Variants in RASSF3 observed in about 807,000 individuals in gnomAD.
RASSF3 encodes ras association domain-containing protein 3.
A neutral mutation model predicts 19.9 loss-of-function variants in RASSF3; 19 were observed. The observed-to-expected ratio is 0.96, with a 90% confidence interval of 0.67 to 1.40. The LOEUF (loss-of-function observed/expected upper bound fraction) is 1.40. Ranked by LOEUF, RASSF3 falls within the 40% of genes most tolerant of loss-of-function variation. The pLI is 0.00. For synonymous variants in RASSF3, 110 were observed against 104.2 expected (o/e 1.06, Z -0.34); for missense variants, 306 against 289.8 (o/e 1.06, Z -0.41).
intron 1 of RASSF3, among the ~76,000 whole-genome samples, chr12:64,677,961 A>G (rs1872968087): frequency 1.3e-5 from 2 of 152,170 alleles, no homozygotes; most frequent in South Asian, 4.1e-4. Context: ...ACTTCATACC[A>G]TGCTTCATTG....
chr12:64,578,105 C>A (rs1015507926), intron 2 of RASSF3, among the ~76,000 whole-genome samples: 5 of 151,796 alleles, frequency 3.3e-5, no homozygotes, highest in African/African-American at 1.2e-4. Flanking sequence ...TGTAATCTGT[C>A]CCAGCTACTC....
chr12:64,663,406 T>G (rs17100537), intron 1 of RASSF3, among the ~76,000 whole-genome samples: 1,711 of 152,182 alleles, frequency 0.011, 33 homozygotes, highest in African/African-American at 0.04. Flanking sequence ...AAAAAGAATA[T>G]AATGATTTCC....
intron 2 of RASSF3, among the ~76,000 whole-genome samples, chr12:64,556,259 C>G (rs1267003370): frequency 6.6e-6 from 1 of 152,092 alleles, no homozygotes; most frequent in Non-Finnish European, 1.5e-5. Context: ...CTCTGGTGCT[C>G]AGGTCCCACC....
At chr12:64,578,799 T>C (rs1869638936) in intron 2 of RASSF3, among the ~76,000 whole-genome samples, 3 of 152,200 alleles carry the variant, frequency 2.0e-5, no homozygotes, top group African/African-American at 7.2e-5. Flanking sequence ...TCAGCCACAC[T>C]GGGAAGCAAC....
At chr12:64,691,337 A>G in intron 3 of RASSF3, 133 bp from the exon 4 acceptor site, 1 of 653,226 alleles carries the variant, frequency 1.5e-6, no homozygotes, top group Non-Finnish European at 2.8e-6. Flanking sequence ...AAATAATAAG[A>G]TGAGCCGACT....
rs1490232538 is a variant in RASSF3, at chr12:64,694,885, C to T, written c.690C>T (p.Ala230=). 4.3e-6 allele frequency: 7 copies of T among 1,614,054 alleles called. No homozygotes were observed. The highest frequency in any genetic ancestry group is 5.1e-6 in the Non-Finnish European group (6 of 1,180,026). Residue 230 remains alanine, a synonymous_variant, in exon 5 of 5, where the codon GCC becomes GCT. Coordinates refer to ENST00000542104, the MANE Select transcript of RASSF3 (RefSeq NM_178169.4). ...CCTACAGGCAGAAGCTGGAAGAAGC[C>T]CTCCGTGAGGTGTGGAAGCCTGATT... ...YTAYRQKLEE[A]LREVWKPD is the part of the protein sequence containing the mutation.
chr12:64,630,954 A>G (rs1871150081), intron 1 of RASSF3, among the ~76,000 whole-genome samples: 1 of 152,206 alleles, frequency 6.6e-6, no homozygotes, highest in Admixed American at 6.5e-5. Flanking sequence ...AAATCTGGGC[A>G]TGTGTGTTTT....
intron 2 of RASSF3, among the ~76,000 whole-genome samples, chr12:64,568,859 G>A (rs977929225): frequency 6.6e-6 from 1 of 152,110 alleles, no homozygotes; most frequent in African/African-American, 2.4e-5. Flanking sequence ...ACAGGCACAA[G>A]CCATCATGCC....
At chr12:64,666,625 A>G (rs894105969) in intron 1 of RASSF3, among the ~76,000 whole-genome samples, 33 of 152,228 alleles carry the variant, frequency 2.2e-4, no homozygotes, top group African/African-American at 2.4e-5. Context: ...ACTTTCTAAC[A>G]GAATACTTTA....
chr12:64,584,859 T>C (rs766860390), intron 2 of RASSF3, among the ~76,000 whole-genome samples: 1 of 143,566 alleles, frequency 7.0e-6, no homozygotes, highest in Non-Finnish European at 1.5e-5. Context: ...AGGATCACCC[T>C]GGAAAAGCAC....
At chr12:64,659,587 G>A (rs2136196982) in intron 1 of RASSF3, among the ~76,000 whole-genome samples, 1 of 152,138 alleles carries the variant, frequency 6.6e-6, no homozygotes, top group African/African-American at 2.4e-5. Flanking sequence ...GGAGGGAGAG[G>A]TTTGCAACAG....
At chr12:64,626,676 C>G (rs921349408) in intron 1 of RASSF3, among the ~76,000 whole-genome samples, 2 of 152,086 alleles carry the variant, frequency 1.3e-5, no homozygotes, top group African/African-American at 4.8e-5. Flanking sequence ...ATCCTCCCAC[C>G]TCAACCTCCT....
Position 64,602,503 on chromosome 12 carries a change from C to A in RASSF3, c.294+60798C>A, listed in dbSNP as rs550838720. On this transcript the variant is annotated intron_variant, in intron 2 of 5. Transcript: ENST00000637125. ...GGCTGAGACAGGGGAATTGCTTGAA[C>A]CCGGGAGGCGGAGGTTGCAGTGAGC... 3.9e-4 allele frequency among the ~76,000 whole-genome samples: 59 copies of A among 151,664 alleles called. 1 individual carries two copies. In the South Asian group the frequency reaches 0.012, roughly 32 times the overall value.
chr12:64,530,742 A>G (rs1312625430), upstream of RASSF3, among the ~76,000 whole-genome samples: 1 of 152,210 alleles, frequency 6.6e-6, no homozygotes, highest in Non-Finnish European at 1.5e-5. Flanking sequence ...GTATTGTCAC[A>G]TCTTCATTTC....
chr12:64,684,639 C>G (rs1355232937), intron 1 of RASSF3, 148 bp from the exon 2 acceptor site: 2 of 551,310 alleles, frequency 3.6e-6, no homozygotes, highest in South Asian at 2.0e-5. Flanking sequence ...CCATTTTGGT[C>G]AGGGTGGTAT....
intron 2 of RASSF3, among the ~76,000 whole-genome samples, chr12:64,597,990 T>G (rs1420908857): frequency 1.3e-5 from 2 of 152,182 alleles, no homozygotes; most frequent in Non-Finnish European, 2.9e-5. Context: ...CAATCTCAGT[T>G]TACTGCAACC....
chr12:64,552,665 T>C (rs1281136556), intron 2 of RASSF3, among the ~76,000 whole-genome samples: 1 of 152,118 alleles, frequency 6.6e-6, no homozygotes, highest in Non-Finnish European at 1.5e-5. Context: ...CTGAGAAAAA[T>C]GACTTCCAGC....
intron 1 of RASSF3, among the ~76,000 whole-genome samples, chr12:64,519,171 G>A (rs538087028): frequency 1.3e-5 from 2 of 152,252 alleles, no homozygotes; most frequent in South Asian, 4.2e-4. Flanking sequence ...AGGCTGAGGC[G>A]GGAGGATAGC....
chr12:64,685,793 C>T (rs147720428), intron 2 of RASSF3, among the ~76,000 whole-genome samples: 9 of 152,298 alleles, frequency 5.9e-5, no homozygotes, highest in East Asian at 5.8e-4. Context: ...GAGCTGACAG[C>T]GGAGCTAGAG....
Sources: allele counts gnomAD v4.1 joint callset (sites outside exome capture counted in the v4.1 genomes callset), GRCh38; gene constraint gnomAD v4.1.1; transcripts MANE v1.5; gene names NCBI Gene and HGNC (gene_info 2026-07-23, HGNC 2026-07-21).